ANK2: variants seen among roughly 807,000 people sequenced by gnomAD.
ANK2 encodes ankyrin-2.
ANK2 carries 83 observed loss-of-function variants against 360.5 expected under a neutral mutation model. The observed-to-expected ratio is 0.23, with a 90% CI of 0.19 to 0.28. The LOEUF (loss-of-function observed/expected upper bound fraction) is 0.28. Among genes scored for constraint, ANK2 ranks in the 10% least tolerant of loss-of-function variants. The pLI is 1.00. For synonymous variants in ANK2, 1,740 were observed against 1,759.5 expected (o/e 0.99, Z 0.28); for missense variants, 4,201 against 4,795.7 (o/e 0.88, Z 3.66).
chr4:113,232,035 A>G, intron 4 of ANK2, 126 bp from the exon 5 acceptor site: 1 of 711,524 alleles, frequency 1.4e-6, no homozygotes, highest in Non-Finnish European at 2.5e-6. Flanking sequence ...TTATAATGAT[A>G]AATATGTGTA....
intron 1 of ANK2, among the ~76,000 whole-genome samples, chr4:112,899,084 G>A (rs2082546802): frequency 1.3e-5 from 2 of 152,184 alleles, no homozygotes; most frequent in South Asian, 4.1e-4. Flanking sequence ...CCAAGTTGAT[G>A]GGGGCTGTGA....
At chr4:113,266,720 A>G (rs2056245769) in intron 14 of ANK2, among the ~76,000 whole-genome samples, 1 of 152,192 alleles carries the variant, frequency 6.6e-6, no homozygotes, top group African/African-American at 2.4e-5. Flanking sequence ...TCTACTGAAA[A>G]TACAAAATTA....
At chr4:113,061,567 T>G (rs568780232) in intron 1 of ANK2, among the ~76,000 whole-genome samples, 1 of 152,226 alleles carries the variant, frequency 6.6e-6, no homozygotes, top group Non-Finnish European at 1.5e-5. Context: ...TTAAAAAAAT[T>G]ACATACACAC....
chr4:112,793,494 T>G, the ANK2 span, among the ~76,000 whole-genome samples: 7 of 152,088 alleles, frequency 4.6e-5, no homozygotes, highest in African/African-American at 1.7e-4. Flanking sequence ...TGTTATTTAC[T>G]CTGAAAACCC....
At chr4:113,346,756 AT>A (rs2094905099) in intron 35 of ANK2, among the ~76,000 whole-genome samples, 1 of 152,186 alleles carries the variant, frequency 6.6e-6, no homozygotes, top group African/African-American at 2.4e-5. Flanking sequence ...GATTTAAAAC[AT>A]TGTTGAAAAG....
the ANK2 span, among the ~76,000 whole-genome samples, chr4:112,767,425 G>A: frequency 6.6e-6 from 1 of 152,200 alleles, no homozygotes; most frequent in East Asian, 1.9e-4. Flanking sequence ...GCCGGGTGTG[G>A]TGGCATGTGT....
intron 1 of ANK2, among the ~76,000 whole-genome samples, chr4:112,900,743 C>T (rs962404222): frequency 1.3e-5 from 2 of 152,192 alleles, no homozygotes; most frequent in African/African-American, 4.8e-5. Flanking sequence ...TGTCAAAACT[C>T]AGCTTAAGTT....
At chr4:113,161,751 C>T (rs1195690409) in intron 1 of ANK2, among the ~76,000 whole-genome samples, 3 of 150,840 alleles carry the variant, frequency 2.0e-5, no homozygotes, top group Admixed American at 6.6e-5. Flanking sequence ...CATGTATGCG[C>T]TGCAATTCCT....
intron 1 of ANK2, among the ~76,000 whole-genome samples, chr4:112,862,367 C>T (rs2150118000): frequency 6.6e-6 from 1 of 152,252 alleles, no homozygotes; most frequent in East Asian, 1.9e-4. Context: ...GTTTGTCCCA[C>T]GAGAACAGTT....
At chr4:113,194,447 A>G (rs1286468633) in intron 2 of ANK2, among the ~76,000 whole-genome samples, 1 of 152,174 alleles carries the variant, frequency 6.6e-6, no homozygotes, top group African/African-American at 2.4e-5. Flanking sequence ...GTATTTCATA[A>G]AATCAGCAAG....
intron 2 of ANK2, among the ~76,000 whole-genome samples, chr4:113,042,401 G>C (rs947526976): frequency 1.3e-5 from 2 of 152,130 alleles, no homozygotes; most frequent in Non-Finnish European, 2.9e-5. Context: ...AGTGGTATGA[G>C]CCAATTTCCA....
intron 10 of ANK2, among the ~76,000 whole-genome samples, chr4:113,254,184 T>A (rs188612196): frequency 3.7e-4 from 57 of 152,268 alleles, no homozygotes; most frequent in Non-Finnish European, 2.9e-5. Context: ...TTCGGTGTTT[T>A]TGTTTTCTCC....
chr4:113,027,565 G>A (rs2059545954), intron 2 of ANK2, among the ~76,000 whole-genome samples: 4 of 152,040 alleles, frequency 2.6e-5, no homozygotes, highest in Admixed American at 2.6e-4. Flanking sequence ...TTCTGCCCTG[G>A]AGACTGCAGC....
At chr4:113,246,161 C>A (rs1483925852) in intron 9 of ANK2, among the ~76,000 whole-genome samples, 3 of 152,090 alleles carry the variant, frequency 2.0e-5, no homozygotes, top group Non-Finnish European at 4.4e-5. Flanking sequence ...CTCAATTTCC[C>A]CCAGCATTTA....
intron 1 of ANK2, among the ~76,000 whole-genome samples, chr4:113,171,846 T>C (rs1360932085): frequency 6.6e-6 from 1 of 152,166 alleles, no homozygotes; most frequent in Non-Finnish European, 1.5e-5. Flanking sequence ...AGATGGTCTA[T>C]TATATACTCC....
intron 2 of ANK2, among the ~76,000 whole-genome samples, chr4:112,977,465 TAA>T (rs963458045): frequency 6.6e-6 from 1 of 152,056 alleles, no homozygotes; most frequent in African/African-American, 2.4e-5. Flanking sequence ...GAATTTCTTT[TAA>T]GTGTGATTAT....
At chr4:113,051,284 A>G (rs756080836) in intron 1 of ANK2, among the ~76,000 whole-genome samples, 2 of 152,220 alleles carry the variant, frequency 1.3e-5, no homozygotes, top group Non-Finnish European at 2.9e-5. Context: ...TTTTCTCTCT[A>G]AAGTCCCTGT....
intron 2 of ANK2, among the ~76,000 whole-genome samples, chr4:112,911,910 G>T (rs2087613981): frequency 6.6e-6 from 1 of 152,210 alleles, no homozygotes; most frequent in Non-Finnish European, 1.5e-5. Context: ...AGGCGTGGTG[G>T]CTCACGCCTG....
chr4:112,931,292 GTCT>G (rs1320922414), intron 2 of ANK2, among the ~76,000 whole-genome samples: 1 of 152,008 alleles, frequency 6.6e-6, no homozygotes, highest in Non-Finnish European at 1.5e-5. Context: ...AAAAACTGAG[GTCT>G]TCTTCTCAAT....
Sources: allele counts gnomAD v4.1 joint callset (sites outside exome capture counted in the v4.1 genomes callset), GRCh38; gene constraint gnomAD v4.1.1; transcripts MANE v1.5; gene names NCBI Gene and HGNC (gene_info 2026-07-23, HGNC 2026-07-21).